Variants in TMEM132D observed in about 807,000 individuals in gnomAD.
The protein encoded by TMEM132D is transmembrane protein 132D.
In TMEM132D, 21 loss-of-function variants were observed where a neutral mutation model predicts 62.3. The ratio of observed to expected loss-of-function variants is 0.34; its 90% confidence interval spans 0.24 to 0.49. The LOEUF is 0.49. Ranked by LOEUF, TMEM132D falls within the 20% of genes least tolerant of loss-of-function variation. The pLI, the probability that TMEM132D is intolerant of heterozygous loss-of-function variation, is 0.99. For synonymous variants in TMEM132D, 621 were observed against 575.6 expected (o/e 1.08, Z -1.13); for missense variants, 1,346 against 1,402.8 (o/e 0.96, Z 0.65).
At position 129,150,810 on chromosome 12, in the gene TMEM132D, G is replaced by A. The variant is rs909590326; in HGVS notation, c.1443+58710C>T. Among the ~76,000 whole-genome samples the A allele has an allele frequency of 5.3e-5, 8 of 152,218 alleles. No homozygotes were observed. The East Asian group carries it at 7.7e-4, about 15-fold the overall frequency. On this transcript the variant is annotated intron_variant, in intron 5 of 8. Transcript: ENST00000422113. ...CCCTGCTTCTCTTCTCACTGTCCCC[G>A]TGACAGGGTCAGCTGTGGCCCCGGA... is the stretch of plus-strand genomic sequence containing the variant.
intron 3 of TMEM132D, among the ~76,000 whole-genome samples, chr12:129,400,335 G>A (rs1293465692): frequency 6.6e-6 from 1 of 152,136 alleles, no homozygotes; most frequent in Non-Finnish European, 1.5e-5. Flanking sequence ...CCTGTAGCCT[G>A]CCAGTGGGTT....
intron 3 of TMEM132D, among the ~76,000 whole-genome samples, chr12:129,398,682 T>C (rs1871504107): frequency 6.6e-6 from 1 of 152,210 alleles, no homozygotes; most frequent in African/African-American, 2.4e-5. Flanking sequence ...TGGGGAAGAT[T>C]GGATGTCCAA....
chr12:129,169,871 C>A (rs548544646), intron 5 of TMEM132D, among the ~76,000 whole-genome samples: 26 of 152,222 alleles, frequency 1.7e-4, no homozygotes, highest in South Asian at 2.1e-4. Flanking sequence ...TTTACAAAAA[C>A]ACCCTTAAGC....
At chr12:129,616,200 AC>A (rs1340831013) in intron 2 of TMEM132D, among the ~76,000 whole-genome samples, 2 of 152,250 alleles carry the variant, frequency 1.3e-5, no homozygotes, top group Non-Finnish European at 2.9e-5. Context: ...GCTGAGACTC[AC>A]AATGAATTAA....
At chr12:129,332,036 C>A (rs1291008822) in intron 4 of TMEM132D, among the ~76,000 whole-genome samples, 1 of 152,080 alleles carries the variant, frequency 6.6e-6, no homozygotes, top group East Asian at 1.9e-4. Flanking sequence ...CCTGGCAAAA[C>A]CCCATCTCTA....
At chr12:129,793,613 G>A (rs1262052263) in intron 1 of TMEM132D, among the ~76,000 whole-genome samples, 3 of 152,200 alleles carry the variant, frequency 2.0e-5, no homozygotes, top group Non-Finnish European at 2.9e-5. Flanking sequence ...TGATCCACCC[G>A]CCTTGGCCTC....
intron 1 of TMEM132D, among the ~76,000 whole-genome samples, chr12:129,732,128 G>A (rs1378885934): frequency 6.6e-6 from 1 of 152,152 alleles, no homozygotes; most frequent in Non-Finnish European, 1.5e-5. Flanking sequence ...GGCACCTGCT[G>A]TCTGGGAACC....
At chr12:129,325,081 C>G (rs1050322310) in intron 4 of TMEM132D, among the ~76,000 whole-genome samples, 1 of 152,092 alleles carries the variant, frequency 6.6e-6, no homozygotes, top group African/African-American at 2.4e-5. Flanking sequence ...CTACCTCACC[C>G]AAAGTCTGCT....
At chr12:129,525,244 T>G (rs1875993237) in intron 3 of TMEM132D, among the ~76,000 whole-genome samples, 1 of 140,160 alleles carries the variant, frequency 7.1e-6, no homozygotes, top group Non-Finnish European at 1.5e-5. Context: ...TTTTTTTTTT[T>G]TTTTTTTTTT....
chr12:129,501,755 C>T (rs1055020076), intron 3 of TMEM132D, among the ~76,000 whole-genome samples: 2 of 152,128 alleles, frequency 1.3e-5, no homozygotes, highest in Non-Finnish European at 2.9e-5. Flanking sequence ...ATCCGCTCAC[C>T]TCGGCCTCCT....
In TMEM132D at chr12:129,209,732, C is replaced by T. The variant is rs535559567; in HGVS notation, c.1300-69G>A. 6 of 1,583,774 alleles carry T rather than the reference C, an allele frequency of 3.8e-6. No individual in the cohort carries two copies. In the African/African-American group the frequency reaches 5.4e-5, roughly 14 times the overall value. On this transcript the variant is annotated intron_variant, in intron 4 of 8. Transcript: ENST00000422113. The stretch of plus-strand genomic sequence containing the variant: ...CGGCCCAGTCCCTGGGAGTATGCCG[C>T]CTGCCTTTCCTCAGCCTCCCTGCAA...
At chr12:129,078,768 TC>T in intron 7 of TMEM132D, 43 bp from the exon 8 acceptor site, 6 of 1,594,620 alleles carry the variant, frequency 3.8e-6, no homozygotes, top group Non-Finnish European at 5.2e-6. Flanking sequence ...CTTTCTGTGG[TC>T]CAGGCAATGC....
At chr12:129,568,019 A>G (rs760352597) in intron 2 of TMEM132D, among the ~76,000 whole-genome samples, 1 of 152,208 alleles carries the variant, frequency 6.6e-6, no homozygotes. Flanking sequence ...GGGCATTTTA[A>G]AAAGGAAAAG....
At chr12:129,559,059 C>T (rs1216294709) in intron 2 of TMEM132D, among the ~76,000 whole-genome samples, 1 of 152,200 alleles carries the variant, frequency 6.6e-6, no homozygotes, top group African/African-American at 2.4e-5. Flanking sequence ...GAGTAATCCA[C>T]TTTCTCAAAG....
At position 129,081,790 on chromosome 12, in the gene TMEM132D, A is replaced by G; in HGVS notation, c.1892T>C (p.Met631Thr). Residue 631 changes from methionine to threonine, a missense_variant, in exon 7 of 9, where the codon ATG becomes ACG. Met to Thr is a moderately conservative substitution (Grantham distance 81, BLOSUM62 -1). Coordinates refer to ENST00000422113, the MANE Select transcript of TMEM132D (RefSeq NM_133448.3). Reference sequence around the variant, plus strand: ...GGTGGTCATCCCAAGCTCCTGCCCCATCAGGATCTGTCCGCCTTGCAGCTT... The same window carrying G: ...GGTGGTCATCCCAAGCTCCTGCCCCGTCAGGATCTGTCCGCCTTGCAGCTT... ...IAKLQGGQIL[M>T]GQELGMTTIQ... 6 of 1,608,748 alleles carry G rather than the reference A, an allele frequency of 3.7e-6. No homozygotes were observed. Among genetic ancestry groups the G allele is most frequent in the Admixed American group, 1.7e-5 (1 of 59,352 alleles).
chr12:129,417,545 T>A (rs1382558357), intron 3 of TMEM132D, among the ~76,000 whole-genome samples: 3 of 152,104 alleles, frequency 2.0e-5, no homozygotes, highest in Non-Finnish European at 2.9e-5. Flanking sequence ...TATACAAAAA[T>A]TAATTCAAGA....
chr12:129,809,084 G>C (rs561981268), intron 1 of TMEM132D, among the ~76,000 whole-genome samples: 1 of 152,264 alleles, frequency 6.6e-6, no homozygotes, highest in East Asian at 1.9e-4. Flanking sequence ...AAGGCGGGTG[G>C]ATCACCTGAG....
chr12:129,851,030 G>A (rs1873521374), intron 1 of TMEM132D, among the ~76,000 whole-genome samples: 1 of 152,150 alleles, frequency 6.6e-6, no homozygotes, highest in South Asian at 2.1e-4. Flanking sequence ...TGAAACTGAG[G>A]TCAATATTTA....
chr12:129,373,998 A>T (rs1343846342), intron 3 of TMEM132D, among the ~76,000 whole-genome samples: 4 of 152,242 alleles, frequency 2.6e-5, no homozygotes, highest in Non-Finnish European at 5.9e-5. Flanking sequence ...CCTTAGGGAA[A>T]TATCAACATA....
Sources: allele counts gnomAD v4.1 joint callset (sites outside exome capture counted in the v4.1 genomes callset), GRCh38; gene constraint gnomAD v4.1.1; transcripts MANE v1.5; gene names NCBI Gene and HGNC (gene_info 2026-07-23, HGNC 2026-07-21).